MTCL2: variants seen among roughly 807,000 people sequenced by gnomAD.
MTCL2 encodes the protein microtubule crosslinking factor 2.
At chr20:36,818,359 G>A in the MTCL2 span, among the ~76,000 whole-genome samples, 1 of 152,166 alleles carries the variant, frequency 6.6e-6, no homozygotes, top group Non-Finnish European at 1.5e-5. Context: ...GATTGCCTGA[G>A]GCCAAGAGTT....
the MTCL2 span, chr20:36,796,855 C>T: frequency 2.5e-6 from 4 of 1,612,816 alleles, no homozygotes; most frequent in Admixed American, 1.7e-5. Flanking sequence ...GTCAGAGAGG[C>T]AGAGCAGGGG....
chr20:36,838,192 A>G, the MTCL2 span, among the ~76,000 whole-genome samples: 50 of 152,212 alleles, frequency 3.3e-4, no homozygotes, highest in Non-Finnish European at 6.2e-4. Flanking sequence ...CTGGGACTAC[A>G]CATGCCTGCC....
chr20:36,808,709 C>T, the MTCL2 span: 20 of 1,604,842 alleles, frequency 1.2e-5, no homozygotes, highest in South Asian at 5.6e-5. Flanking sequence ...CTCAAACTCC[C>T]GCCTCAGGAG....
the MTCL2 span, among the ~76,000 whole-genome samples, chr20:36,799,962 C>T: frequency 6.6e-6 from 1 of 152,166 alleles, no homozygotes; most frequent in East Asian, 1.9e-4. Flanking sequence ...GGGGTTGTAC[C>T]TGGTGGAGCC....
chr20:36,839,514 T>G, the MTCL2 span: 1 of 1,387,866 alleles, frequency 7.2e-7, no homozygotes, highest in Non-Finnish European at 9.9e-7. The surrounding 1 kb of genome is among the most constrained non-coding windows in gnomAD (Gnocchi z 5.1). Context: ...TGGCCACACC[T>G]AGGACTGAAT....
chr20:36,840,370 G>A, the MTCL2 span, among the ~76,000 whole-genome samples: 7 of 150,694 alleles, frequency 4.6e-5, no homozygotes, highest in African/African-American at 7.3e-5. Flanking sequence ...GGGTTTCACC[G>A]TGTTAGCCAG....
chr20:36,819,343 T>C, the MTCL2 span, among the ~76,000 whole-genome samples: 2 of 152,140 alleles, frequency 1.3e-5, no homozygotes, highest in South Asian at 4.1e-4. Flanking sequence ...TTTGGATACA[T>C]GCTTGCTCCA....
chr20:36,780,110 G>T, the MTCL2 span: 1 of 152,130 alleles, frequency 6.6e-6, no homozygotes, highest in South Asian at 2.1e-4. Flanking sequence ...TTCTGGTCTT[G>T]GCTCTGCCTC....
chr20:36,855,215 C>A, the MTCL2 span, among the ~76,000 whole-genome samples: 31 of 152,344 alleles, frequency 2.0e-4, no homozygotes, highest in Admixed American at 1.8e-3. Flanking sequence ...CTCACGGCAA[C>A]GTGCGGGGCA....
At chr20:36,847,242 G>T in the MTCL2 span, among the ~76,000 whole-genome samples, 13 of 152,218 alleles carry the variant, frequency 8.5e-5, no homozygotes, top group Admixed American at 5.2e-4. Context: ...CCCTGGGTCA[G>T]TGCGTCATAA....
chr20:36,803,233 G>C, the MTCL2 span: 10 of 1,386,840 alleles, frequency 7.2e-6, no homozygotes, highest in Non-Finnish European at 9.5e-6. Context: ...CCCTCACTAG[G>C]GACTAACCCA....
the MTCL2 span, among the ~76,000 whole-genome samples, chr20:36,817,071 A>C: frequency 1.3e-5 from 2 of 152,082 alleles, no homozygotes; most frequent in Non-Finnish European, 2.9e-5. Context: ...GTTCAAGACC[A>C]GCCTGGTCAA....
the MTCL2 span, chr20:36,793,063 C>T: frequency 1.5e-6 from 1 of 679,830 alleles, no homozygotes; most frequent in African/African-American, 1.8e-5. This position sits in a 1 kb window ranked among gnomAD's most constrained non-coding sequence, Gnocchi z 6.8. Context: ...TGCCACCACG[C>T]CTGGCCAATT....
the MTCL2 span, chr20:36,784,362 C>A: frequency 1.0e-6 from 1 of 985,778 alleles, no homozygotes. Flanking sequence ...GTTCAGCCTG[C>A]AGGGAAGGGA....
the MTCL2 span, chr20:36,863,048 G>A: frequency 7.1e-7 from 1 of 1,409,996 alleles, no homozygotes; most frequent in Admixed American, 2.6e-5. The surrounding 1 kb of genome is among the most constrained non-coding windows in gnomAD (Gnocchi z 6.2). Flanking sequence ...AGCGCGGACG[G>A]CCCTTGGCAC....
the MTCL2 span, among the ~76,000 whole-genome samples, chr20:36,791,296 G>T: frequency 6.6e-6 from 1 of 152,122 alleles, no homozygotes; most frequent in African/African-American, 2.4e-5. Context: ...GCCTCCCAAA[G>T]TGCTGGGATT....
chr20:36,862,837 G>C, the MTCL2 span: 4 of 1,289,504 alleles, frequency 3.1e-6, no homozygotes, highest in Non-Finnish European at 3.9e-6. Flanking sequence ...GGCGGCCGCG[G>C]GGGCTGCTGC....
At chr20:36,842,188 C>T in the MTCL2 span, among the ~76,000 whole-genome samples, 1 of 152,144 alleles carries the variant, frequency 6.6e-6, no homozygotes, top group East Asian at 1.9e-4. Context: ...TGTCTCCCAG[C>T]CAAACCATGA....
chr20:36,796,765 C>CG, the MTCL2 span: 2 of 949,838 alleles, frequency 2.1e-6, no homozygotes, highest in Non-Finnish European at 3.3e-6. Flanking sequence ...GGCAAAGGGG[C>CG]GGGGCAGGGC....
Sources: allele counts gnomAD v4.1 joint callset (sites outside exome capture counted in the v4.1 genomes callset), GRCh38; gene constraint gnomAD v4.1.1; non-coding constraint Gnocchi (gnomAD v3.1); transcripts MANE v1.5; gene names NCBI Gene and HGNC (gene_info 2026-07-23, HGNC 2026-07-21).